The following DNAAF2 variants were observed in gnomAD, a reference collection of about 807,000 sequenced individuals.
The protein encoded by DNAAF2 is dynein axonemal assembly factor 2, also known as protein kintoun.
A neutral mutation model predicts 48.8 loss-of-function variants in DNAAF2; 58 were observed. That is an observed-to-expected ratio of 1.19 (90% CI 0.96 to 1.48). The LOEUF (loss-of-function observed/expected upper bound fraction) is 1.48. DNAAF2 is among the 40% of genes most tolerant of loss of function. The pLI is 0.00. For synonymous variants in DNAAF2, 567 were observed against 481.2 expected (o/e 1.18, Z -2.33); for missense variants, 1,241 against 1,116.1 (o/e 1.11, Z -1.59).
chr14:49,632,809 CTTGT>C (rs766172702), intron 1 of DNAAF2, among the ~76,000 whole-genome samples: 6 of 152,024 alleles, frequency 3.9e-5, no homozygotes, highest in South Asian at 2.1e-4. Context: ...ACACTTAACT[CTTGT>C]TTATGTTAAA....
In DNAAF2 at chr14:49,632,447, CTTTTTTTTTT is replaced by C. The variant is rs3029726; in HGVS notation, c.1863+830_1863+839del. On this transcript the variant is annotated intron_variant, in intron 1 of 2. Coordinates refer to ENST00000298292, the MANE Select transcript of DNAAF2 (RefSeq NM_018139.3). ...GCCCAAAGTCTAATACTTAATTTTT[CTTTTTTTTTT>C]TTTTTGATACAGAGTTTCGCTCTTG... 2.0e-5 allele frequency among the ~76,000 whole-genome samples: 3 copies of C among 147,076 alleles called. 1 individual carries two copies. In the South Asian group the frequency reaches 6.5e-4, roughly 32 times the overall value.
Position 49,633,959 on chromosome 14 carries a change from G to C in DNAAF2, c.1191C>G (p.Asp397Glu), listed in dbSNP as rs1404363594. Residue 397 changes from aspartate to glutamate, a missense_variant, in exon 1 of 3, where the codon GAC becomes GAG. Coordinates refer to ENST00000298292, the MANE Select transcript of DNAAF2 (RefSeq NM_018139.3). The stretch of plus-strand genomic sequence containing the variant: ...CAGCCACGCAGGTATCGTGGCCTCC[G>C]TCCTCCGCGCGACTCCTCGCGGGTC... ...EAGPARSRAE[D>E]GGHDTCVAGA... The C allele has an allele frequency of 7.8e-6, 12 of 1,529,150 alleles. No individual in the cohort carries two copies. The African/African-American group carries it at 1.5e-4, about 19-fold the overall frequency. The allele number at this position is 1,529,150 out of a possible 1,614,324, so 94.7% of individuals were successfully genotyped here. A position where few individuals can be genotyped will look rare whatever the true frequency, so the allele number is the denominator to read the frequency against.
chr14:49,633,430 A>G lies in DNAAF2; in HGVS notation c.1720T>C (p.Phe574Leu). Residue 574 changes from phenylalanine (F) to leucine (L), a missense_variant, in exon 1 of 3, where the codon TTT (phenylalanine) becomes CTT (leucine). Coordinates refer to ENST00000298292, the MANE Select transcript of DNAAF2 (RefSeq NM_018139.3). Reference sequence around the variant, plus strand: ...GTACTCAATTTATTCTCTGGAGCAAATTGCAAAAAGAAGGAATAAACTAAG... The same window carrying G: ...GTACTCAATTTATTCTCTGGAGCAAGTTGCAAAAAGAAGGAATAAACTAAG... ...QDLVYSFFLQ[F>L]APENKLSTTE... 1 of 1,614,050 alleles carries G rather than the reference A, an allele frequency of 6.2e-7. No homozygotes were observed. Among genetic ancestry groups the G allele is most frequent in the Non-Finnish European group, 8.5e-7 (1 of 1,179,902 alleles).
Position 49,634,093 on chromosome 14 carries a change from C to G in DNAAF2, c.1057G>C (p.Ala353Pro). The change falls in exon 1 of 3, where the codon GCG (alanine) becomes CCG (proline). Residue 353 changes from alanine to proline, a missense_variant. Coordinates refer to ENST00000298292, the MANE Select transcript of DNAAF2 (RefSeq NM_018139.3). ...VVTLPVVLPA[A>P]RREPAVAVAA... ...ACGGCGACAGCGGGCTCCCGGCGCGCGGCCGGCAGCACCACTGGCAGCGTA... is the reference window on the plus strand; with the variant it reads ...ACGGCGACAGCGGGCTCCCGGCGCGGGGCCGGCAGCACCACTGGCAGCGTA... 4 of 1,541,586 alleles carry G rather than the reference C, an allele frequency of 2.6e-6. No homozygotes were observed. Among genetic ancestry groups the G allele is most frequent in the Non-Finnish European group, 3.5e-6 (4 of 1,144,318 alleles).
In DNAAF2 at chr14:49,633,492, T is replaced by C; in HGVS notation, c.1658A>G (p.Asn553Ser). Residue 553 changes from asparagine to serine, a missense_variant, in exon 1 of 3, where the codon AAT (asparagine) becomes AGT (serine). Asn to Ser is a conservative substitution (Grantham distance 46). Coordinates refer to ENST00000298292, the MANE Select transcript of DNAAF2 (RefSeq NM_018139.3). Reference sequence around the variant, plus strand: ...GAAGCGTAATTTGTACCAGAGGGGATTCAAATCTCCTTGAAGACTTTGCGG... The same window carrying C: ...GAAGCGTAATTTGTACCAGAGGGGACTCAAATCTCCTTGAAGACTTTGCGG... ...IQPQSLQGDLNPLWYKLRFSA... is the reference protein window; with the variant it reads ...IQPQSLQGDLSPLWYKLRFSA... 2 of 1,614,022 alleles carry C rather than the reference T, an allele frequency of 1.2e-6. No individual in the cohort carries two copies. The highest frequency in any genetic ancestry group is 1.7e-6 in the Non-Finnish European group (2 of 1,179,882).
chr14:49,634,088 G>C lies in DNAAF2; in HGVS notation c.1062C>G (p.Arg354=). The change falls in exon 1 of 3, where the codon CGC becomes CGG. Residue 354 remains arginine, a synonymous_variant. Coordinates refer to ENST00000298292, the MANE Select transcript of DNAAF2 (RefSeq NM_018139.3). ...VTLPVVLPAA[R]REPAVAVAAA... The stretch of plus-strand genomic sequence containing the variant: ...CGGCGACGGCGACAGCGGGCTCCCG[G>C]CGCGCGGCCGGCAGCACCACTGGCA... The C allele has an allele frequency of 1.9e-6, 3 of 1,540,532 alleles. No individual in the cohort carries two copies. In the South Asian group the frequency reaches 3.6e-5, roughly 18 times the overall value.
In DNAAF2 at chr14:49,625,344, T is replaced by A; in HGVS notation, c.*198A>T. On this transcript the variant is annotated 3_prime_UTR_variant, in exon 3 of 3. Coordinates refer to ENST00000298292, the MANE Select transcript of DNAAF2 (RefSeq NM_018139.3). ...ACAAAACTTATCTCCATAAGGAAAC[T>A]TTAAACTCCAGAGGCAAAAAAAAAA... The A allele has an allele frequency of 2.8e-6, 1 of 362,978 alleles. No homozygotes were observed. The highest frequency in any genetic ancestry group is 4.9e-6 in the Non-Finnish European group (1 of 205,424). 22.5% of individuals were successfully genotyped at this position (362,978 alleles called of 1,614,324 possible). A position where few individuals can be genotyped will look rare whatever the true frequency, so the allele number is the denominator to read the frequency against.
chr14:49,626,169 T>G, intron 2 of DNAAF2, 121 bp from the exon 3 acceptor site: 3 of 748,190 alleles, frequency 4.0e-6, no homozygotes, highest in Non-Finnish European at 5.6e-6. Flanking sequence ...GACCTGCAGG[T>G]ATACATCCAG....
chr14:49,634,447 C>T lies in DNAAF2; in HGVS notation c.703G>A (p.Gly235Arg), dbSNP rs772389470. ...TCCGGAGGGGAGGGCGCCCGGGGCC[C>T]GGGGGCTGCCGGGTACTGGTAAGGG... ...PYPYQYPAAP[G>R]PRAPSPPEAA... The change falls in exon 1 of 3, where the codon GGG becomes AGG. Residue 235 changes from glycine to arginine, a missense_variant. Gly to Arg is a moderately radical substitution (Grantham distance 125). Coordinates refer to ENST00000298292, the MANE Select transcript of DNAAF2 (RefSeq NM_018139.3). 16 of 1,555,734 alleles carry T rather than the reference C, an allele frequency of 1.0e-5. No individual in the cohort carries two copies. Among genetic ancestry groups the T allele is most frequent in the Admixed American group, 3.8e-5 (2 of 52,576 alleles).
intron 1 of DNAAF2, among the ~76,000 whole-genome samples, chr14:49,632,451 T>C (rs933500008): frequency 7.2e-5 from 7 of 97,082 alleles, no homozygotes; most frequent in Admixed American, 1.3e-4. Context: ...ATTTTTCTTT[T>C]TTTTTTTTTT....
chr14:49,628,787 C>T (rs1158894234), intron 1 of DNAAF2, among the ~76,000 whole-genome samples: 11 of 151,988 alleles, frequency 7.2e-5, no homozygotes, highest in Admixed American at 7.2e-4. Context: ...AACATCATCT[C>T]TAGGGCTATA....
intron 2 of DNAAF2, 105 bp downstream of exon 2, chr14:49,627,907 A>G: frequency 1.7e-6 from 2 of 1,188,568 alleles, no homozygotes; most frequent in South Asian, 1.6e-5. Flanking sequence ...CTGCCCAACC[A>G]TTATGTAAAT....
chr14:49,629,626 G>C (rs1883099975), intron 1 of DNAAF2: 1 of 151,824 alleles, frequency 6.6e-6, no homozygotes, highest in Non-Finnish European at 1.5e-5. Flanking sequence ...GGAGATTGCA[G>C]TGAGTCCAGC....
In DNAAF2 at chr14:49,625,440, T is replaced by A; in HGVS notation, c.*102A>T. 1.1e-6 allele frequency: 1 copy of A among 930,514 alleles called. No individual in the cohort carries two copies. Among genetic ancestry groups the A allele is most frequent in the Non-Finnish European group, 1.4e-6 (1 of 703,412 alleles). 57.6% of individuals were successfully genotyped at this position (930,514 alleles called of 1,614,324 possible). ...TAAAAAAAATTGCAAATTTTAATTT[T>A]ATACTTTAATACCTTTAGTTTTAAG... On this transcript the variant is annotated 3_prime_UTR_variant, in exon 3 of 3. Transcript: ENST00000298292.
In DNAAF2 at chr14:49,634,818, C is replaced by G. The variant is rs549781788; in HGVS notation, c.332G>C (p.Arg111Pro). The change falls in exon 1 of 3, where the codon CGG becomes CCG. Residue 111 changes from arginine (R) to proline (P), a missense_variant. Transcript: ENST00000298292. ...PSSRPGSGGD[R>P]GAAPGSHWSL... ...CCAGTGGCTGCCAGGAGCTGCGCCC[C>G]GGTCGCCACCGGAGCCGGGCCGGCT... The G allele has an allele frequency of 1.8e-4, 280 of 1,547,820 alleles. No individual in the cohort carries two copies. The highest frequency in any genetic ancestry group is 2.3e-4 in the Non-Finnish European group (259 of 1,148,550).
rs1010007979 is a variant in DNAAF2, at chr14:49,625,385, T to C, written c.*157A>G. The C allele has an allele frequency of 6.6e-6, 3 of 453,676 alleles. No individual in the cohort carries two copies. Among genetic ancestry groups the C allele is most frequent in the Non-Finnish European group, 1.1e-5 (3 of 279,546 alleles). 28.1% of individuals were successfully genotyped at this position (453,676 alleles called of 1,614,324 possible). Reference sequence around the variant, plus strand: ...AAAAAAAAAAAAATTATCTCCAATTTCCCCCATGAGAATCAAAATTGCAAT... The same window carrying C: ...AAAAAAAAAAAAATTATCTCCAATTCCCCCCATGAGAATCAAAATTGCAAT... On this transcript the variant is annotated 3_prime_UTR_variant, in exon 3 of 3. Coordinates refer to ENST00000298292, the MANE Select transcript of DNAAF2 (RefSeq NM_018139.3).
chr14:49,634,670 G>A lies in DNAAF2; in HGVS notation c.480C>T (p.Phe160=), dbSNP rs1347268986. ...ALALARRHEG[F]RQMLDATALE... ...GGGCCGTGGCGTCCAGCATCTGGCG[G>A]AAGCCCTCGTGCCGCCGGGCCAGCG... is the stretch of plus-strand genomic sequence containing the variant. The change falls in exon 1 of 3, where the codon TTC becomes TTT. Residue 160 remains phenylalanine (F), a synonymous_variant. Transcript: ENST00000298292. 1 of 1,606,380 alleles carries A rather than the reference G, an allele frequency of 6.2e-7. No homozygotes were observed. Among genetic ancestry groups the A allele is most frequent in the Non-Finnish European group, 8.5e-7 (1 of 1,179,656 alleles).
At position 49,634,015 on chromosome 14, in the gene DNAAF2, C is replaced by T. The variant is rs1398235755; in HGVS notation, c.1135G>A (p.Ala379Thr). The change falls in exon 1 of 3, where the codon GCC becomes ACC. Residue 379 changes from alanine to threonine, a missense_variant. Ala to Thr is a moderately conservative substitution (Grantham distance 58). Coordinates refer to ENST00000298292, the MANE Select transcript of DNAAF2 (RefSeq NM_018139.3). Reference protein sequence around the residue: ...SADRSGTDGQACASAREGEAG... With the variant: ...SADRSGTDGQTCASAREGEAG... ...TCCCCCTCGCGAGCGGAAGCGCAGG[C>T]CTGGCCGTCAGTTCCGGACCGGTCC... The T allele has an allele frequency of 2.0e-6, 3 of 1,523,400 alleles. No individual in the cohort carries two copies. Among genetic ancestry groups the T allele is most frequent in the South Asian group, 2.4e-5 (2 of 81,894 alleles). 94.4% of individuals were successfully genotyped at this position (1,523,400 alleles called of 1,614,324 possible).
At position 49,627,295 on chromosome 14, in the gene DNAAF2, C is replaced by T. The variant is rs183361213; in HGVS notation, c.2007+717G>A. Among the ~76,000 whole-genome samples, 10 of 152,166 alleles carry T rather than the reference C, an allele frequency of 6.6e-5. No individual in the cohort carries two copies. In the East Asian group the frequency reaches 7.7e-4, roughly 12 times the overall value. Reference sequence around the variant, plus strand: ...CCGCCCTTCTAATACATATGTCTGTCGATTGTGGTAGTTACTAAATCATTT... The same window carrying T: ...CCGCCCTTCTAATACATATGTCTGTTGATTGTGGTAGTTACTAAATCATTT... On this transcript the variant is annotated intron_variant, in intron 2 of 2. Transcript: ENST00000298292.
Sources: gnomAD v4.1 joint callset for allele counts (sites outside exome capture counted in the v4.1 genomes callset) on GRCh38, gnomAD v4.1.1 for gene constraint, MANE v1.5 for transcripts, NCBI Gene and HGNC (gene_info 2026-07-23, HGNC 2026-07-21) for gene names.